Variants in PKD2L2 observed in about 807,000 individuals in gnomAD.
The protein encoded by PKD2L2 is polycystin-2-like protein 2.
PKD2L2 carries 67 observed loss-of-function variants against 83.9 expected under a neutral mutation model. The observed-to-expected ratio is 0.80, with a 90% CI of 0.66 to 0.98. The LOEUF is 0.98. PKD2L2 is among the 50% of genes least tolerant of loss of function. The pLI is 0.00. For synonymous variants in PKD2L2, 223 were observed against 237.8 expected (o/e 0.94, Z 0.57); for missense variants, 632 against 717.2 (o/e 0.88, Z 1.36).
intron 5 of PKD2L2, among the ~76,000 whole-genome samples, chr5:137,900,525 G>A (rs1356940357): frequency 3.9e-5 from 6 of 152,276 alleles, no homozygotes; most frequent in Middle Eastern, 3.4e-3. Flanking sequence ...AGTTGCCCAC[G>A]ATTTCAAGAT....
chr5:137,926,869 G>C (rs967803763), intron 12 of PKD2L2, among the ~76,000 whole-genome samples: 1 of 152,264 alleles, frequency 6.6e-6, no homozygotes, highest in Admixed American at 6.5e-5. Context: ...CTGCAGGGCC[G>C]ACTGTGAGAC....
chr5:137,923,773 T>C (rs924186946), intron 10 of PKD2L2, among the ~76,000 whole-genome samples: 3 of 152,222 alleles, frequency 2.0e-5, no homozygotes, highest in Non-Finnish European at 4.4e-5. Context: ...ATATATCAAA[T>C]AGTTATTGAG....
At chr5:137,918,266 C>T (rs1166971675) in intron 8 of PKD2L2, among the ~76,000 whole-genome samples, 2 of 152,092 alleles carry the variant, frequency 1.3e-5, no homozygotes, top group African/African-American at 4.8e-5. Flanking sequence ...CCTGGGCATG[C>T]ACAATGACTT....
At chr5:137,925,997 C>CT in intron 12 of PKD2L2, 68 bp downstream of exon 12, 1 of 801,346 alleles carries the variant, frequency 1.2e-6, no homozygotes. Context: ...CAAAAACGCT[C>CT]TGGTTAAGAA....
chr5:137,919,548 C>T (rs36009232), intron 8 of PKD2L2, among the ~76,000 whole-genome samples: 1,742 of 150,328 alleles, frequency 0.012, 20 homozygotes, highest in Non-Finnish European at 0.021. Flanking sequence ...GATGAAAGAT[C>T]ATGGCAGAAA....
intron 12 of PKD2L2, among the ~76,000 whole-genome samples, chr5:137,931,323 A>G (rs886541204): frequency 7.9e-5 from 12 of 152,296 alleles, no homozygotes; most frequent in African/African-American, 2.9e-4. Flanking sequence ...AGCAAAGAGA[A>G]AAAAGAAAAT....
At chr5:137,940,355 G>A (rs766292529) in intron 14 of PKD2L2, 3 of 1,581,678 alleles carry the variant, frequency 1.9e-6, no homozygotes, top group Admixed American at 1.9e-5. Flanking sequence ...ATTCCTAGGG[G>A]AGAAAATAAA....
rs768962600 is a variant in PKD2L2, at chr5:137,929,461, C to CA, written c.1671+3545dup. ...CGGTGACAAGAGCGAAACTCCATCT[C>CA]AAAAAAAAAAAAAGATATACAAAGA... On this transcript the variant is annotated intron_variant, in intron 12 of 14. Transcript: ENST00000508883. Among the ~76,000 whole-genome samples, 211 of 34,946 alleles carry CA rather than the reference C, an allele frequency of 6.0e-3. 1 individual carries two copies. The highest frequency in any genetic ancestry group is 0.017 in the Middle Eastern group (1 of 58). 22.9% of individuals were successfully genotyped at this position (34,946 alleles called of 152,430 possible).
chr5:137,940,760 G>A (rs1399299587), intron 14 of PKD2L2, among the ~76,000 whole-genome samples: 2 of 152,274 alleles, frequency 1.3e-5, no homozygotes, highest in Non-Finnish European at 2.9e-5. Context: ...TGCAACAAGA[G>A]TAATTTTCTA....
intron 14 of PKD2L2, chr5:137,938,048 T>C (rs1760652137): frequency 6.6e-6 from 1 of 152,170 alleles, no homozygotes; most frequent in East Asian, 1.9e-4. Flanking sequence ...CATATATATC[T>C]ATATATTATT....
intron 5 of PKD2L2, among the ~76,000 whole-genome samples, chr5:137,900,311 C>T (rs999215759): frequency 2.0e-5 from 3 of 152,164 alleles, no homozygotes; most frequent in African/African-American, 4.8e-5. Flanking sequence ...TTGTGTATCT[C>T]AGTAAAAAAG....
rs750047439 is a variant in PKD2L2 at position 137,925,115 on chromosome 5, T to G, written c.1616+11T>G. 6.6e-7 allele frequency: 1 copy of G among 1,523,092 alleles called. No individual in the cohort carries two copies. The highest frequency in any genetic ancestry group is 1.7e-5 in the Admixed American group (1 of 59,546). The allele number at this position is 1,523,092 out of a possible 1,614,324, so 94.3% of individuals were successfully genotyped here. ...TGAAGACAAGAAAACGTAAGATGAC[T>G]TCTCTCAAATGTTTAACTTACCATT... is the stretch of plus-strand genomic sequence containing the variant. On this transcript the variant is annotated intron_variant, in intron 11 of 14. Transcript: ENST00000508883.
chr5:137,919,960 G>A (rs929850379), intron 8 of PKD2L2, among the ~76,000 whole-genome samples: 2 of 152,186 alleles, frequency 1.3e-5, no homozygotes, highest in Non-Finnish European at 2.9e-5. Context: ...CACTTTGGGA[G>A]CCCAAGGCGG....
intron 14 of PKD2L2, chr5:137,939,621 G>T (rs1366725188): frequency 1.2e-5 from 2 of 165,130 alleles, no homozygotes; most frequent in Non-Finnish European, 2.6e-5. Flanking sequence ...TGTGTGACCA[G>T]CGAATTGCAA....
chr5:137,917,615 TTTTG>T (rs1488904175), intron 8 of PKD2L2, among the ~76,000 whole-genome samples: 2 of 152,168 alleles, frequency 1.3e-5, no homozygotes, highest in African/African-American at 4.8e-5. Context: ...TCTTATATTT[TTTTG>T]TTTCTTTTTA....
At chr5:137,904,882 G>A (rs1561682662) in intron 5 of PKD2L2, among the ~76,000 whole-genome samples, 1 of 152,166 alleles carries the variant, frequency 6.6e-6, no homozygotes, top group African/African-American at 2.4e-5. Flanking sequence ...AACAGGGAGA[G>A]TGAAACACAC....
intron 14 of PKD2L2, among the ~76,000 whole-genome samples, chr5:137,941,172 T>A (rs1761674257): frequency 6.6e-6 from 1 of 152,136 alleles, no homozygotes; most frequent in East Asian, 1.9e-4. Context: ...CCTCCCAAAG[T>A]GCTGGTATTA....
intron 12 of PKD2L2, among the ~76,000 whole-genome samples, chr5:137,934,714 A>T (rs951098379): frequency 1.3e-5 from 2 of 152,180 alleles, no homozygotes; most frequent in Admixed American, 1.3e-4. Flanking sequence ...CGGGAGGCTG[A>T]GGAAGGAGAA....
chr5:137,905,522 G>T (rs1167158607), intron 5 of PKD2L2, among the ~76,000 whole-genome samples: 2 of 152,136 alleles, frequency 1.3e-5, no homozygotes, highest in African/African-American at 4.8e-5. Context: ...TAATTAAATT[G>T]TAATATTGTG....
Sources: allele counts gnomAD v4.1 joint callset (sites outside exome capture counted in the v4.1 genomes callset), GRCh38; gene constraint gnomAD v4.1.1; transcripts MANE v1.5; gene names NCBI Gene and HGNC (gene_info 2026-07-23, HGNC 2026-07-21).